The following FNDC3A variants were observed in gnomAD, a reference collection of about 807,000 sequenced individuals.
FNDC3A encodes the protein fibronectin type-III domain-containing protein 3A.
Under a neutral mutation model 148.9 loss-of-function variants are expected in FNDC3A, and 32 were observed. The ratio of observed to expected loss-of-function variants is 0.21; its 90% CI spans 0.16 to 0.29. The LOEUF is 0.29. FNDC3A is among the 10% of genes least tolerant of loss of function. The pLI is 1.00. For synonymous variants in FNDC3A, 472 were observed against 473.6 expected, an observed-to-expected ratio of 1.00 and a Z score of 0.04; for missense variants, 1,191 against 1,452.8, an observed-to-expected ratio of 0.82 and a Z score of 2.93.
At chr13:48,984,652 A>G (rs1333522141) in intron 1 of FNDC3A, among the ~76,000 whole-genome samples, 1 of 152,140 alleles carries the variant, frequency 6.6e-6, no homozygotes, top group Non-Finnish European at 1.5e-5. Context: ...TCTCAAAACT[A>G]AGTTCCAGGT....
intron 2 of FNDC3A, among the ~76,000 whole-genome samples, chr13:49,012,738 A>G (rs188550039): frequency 6.6e-6 from 1 of 150,916 alleles, no homozygotes; most frequent in Non-Finnish European, 1.5e-5. Context: ...AATTTTTCCC[A>G]TAAAGGTCTT....
chr13:49,180,881 C>T (rs539227782), intron 14 of FNDC3A, among the ~76,000 whole-genome samples: 35 of 151,092 alleles, frequency 2.3e-4, no homozygotes, highest in Middle Eastern at 3.4e-3. Context: ...GGCAATACAG[C>T]GAGATTCTGT....
chr13:49,107,232 T>C (rs1425947015), intron 3 of FNDC3A, among the ~76,000 whole-genome samples: 1 of 152,238 alleles, frequency 6.6e-6, no homozygotes, highest in Non-Finnish European at 1.5e-5. Context: ...AGTCATGTTA[T>C]AGAGTTAATG....
At chr13:48,987,393 G>C (rs1435811986) in intron 1 of FNDC3A, among the ~76,000 whole-genome samples, 1 of 152,110 alleles carries the variant, frequency 6.6e-6, no homozygotes, top group African/African-American at 2.4e-5. Flanking sequence ...GTATCTTTTT[G>C]ATCAAGATTT....
At chr13:49,166,630 G>A (rs1283174270) in intron 8 of FNDC3A, among the ~76,000 whole-genome samples, 1 of 152,108 alleles carries the variant, frequency 6.6e-6, no homozygotes, top group Non-Finnish European at 1.5e-5. Context: ...GAATACAGGA[G>A]TCCACGGTGG....
At chr13:49,010,148 C>G (rs1366196986) in intron 2 of FNDC3A, among the ~76,000 whole-genome samples, 1 of 152,136 alleles carries the variant, frequency 6.6e-6, no homozygotes, top group Non-Finnish European at 1.5e-5. Context: ...TGGACCAAAC[C>G]TTTTGTTGGG....
At chr13:48,975,810 C>A (rs988450815), upstream of FNDC3A, 2 of 151,676 alleles carry the variant, frequency 1.3e-5, no homozygotes, top group African/African-American at 2.4e-5. Flanking sequence ...GGTGAGAGAG[C>A]CCCGGCGCGG....
chr13:49,193,000 A>T (rs1044723651), intron 19 of FNDC3A, among the ~76,000 whole-genome samples: 1 of 152,182 alleles, frequency 6.6e-6, no homozygotes, highest in Non-Finnish European at 1.5e-5. Flanking sequence ...CCTTGTTCAA[A>T]AAAGGGGGGC....
In FNDC3A at chr13:49,006,169, G is replaced by C. The variant is rs779946795; in HGVS notation, c.-22G>C. 3.0e-6 allele frequency: 4 copies of C among 1,323,628 alleles called. No homozygotes were observed. The highest frequency in any genetic ancestry group is 4.3e-6 in the Non-Finnish European group (4 of 923,166). 82.0% of individuals were successfully genotyped at this position (1,323,628 alleles called of 1,614,324 possible). On this transcript the variant is annotated 5_prime_UTR_variant, in exon 2 of 26. Coordinates refer to ENST00000492622, the MANE Select transcript of FNDC3A (RefSeq NM_001079673.2). The stretch of plus-strand genomic sequence containing the variant: ...TTTTTCAGAATTGGAGCGTTATTCA[G>C]TATATTAATGTCTTATTGATAATGG...
At chr13:49,206,425 G>A (rs994458805) in intron 25 of FNDC3A, among the ~76,000 whole-genome samples, 1 of 151,922 alleles carries the variant, frequency 6.6e-6, no homozygotes, top group Non-Finnish European at 1.5e-5. Context: ...GCCAAGGTCT[G>A]ATTTTTCACA....
chr13:49,137,328 T>C lies in FNDC3A; in HGVS notation c.760+727T>C, dbSNP rs75940747. The stretch of plus-strand genomic sequence containing the variant: ...ACCTCTGACTTCTACTCTATGAACT[T>C]TGTTTTATTGGTTTTTGTTTGTTTG... On this transcript the variant is annotated intron_variant, in intron 6 of 25. Transcript: ENST00000492622. 4.6e-3 allele frequency among the ~76,000 whole-genome samples: 705 copies of C among 152,020 alleles called. 7 individuals are homozygous for C. Among genetic ancestry groups the C allele is most frequent in the African/African-American group, 0.016 (677 of 41,448 alleles).
intron 23 of FNDC3A, among the ~76,000 whole-genome samples, chr13:49,199,565 A>T (rs558148529): frequency 6.6e-6 from 1 of 151,854 alleles, no homozygotes; most frequent in South Asian, 2.1e-4. Context: ...TGACCTCCCG[A>T]TCCACCTGCC....
intron 8 of FNDC3A, among the ~76,000 whole-genome samples, chr13:49,160,404 A>G (rs1884021045): frequency 6.6e-6 from 1 of 152,132 alleles, no homozygotes; most frequent in African/African-American, 2.4e-5. Context: ...GTTTATTTGC[A>G]TAGAGGTGTT....
At position 49,180,218 on chromosome 13, in the gene FNDC3A, A is replaced by G. The variant is rs200535940; in HGVS notation, c.1617+1564A>G. Among the ~76,000 whole-genome samples the G allele has an allele frequency of 5.3e-5, 8 of 152,296 alleles. No individual in the cohort carries two copies. The East Asian group carries it at 1.5e-3, about 29-fold the overall frequency. On this transcript the variant is annotated intron_variant, in intron 14 of 25. Transcript: ENST00000492622. ...GAGAAACTTTGCTCATTAGTTGATA[A>G]ATTCAACATTTAAATTTTCCTGCCA...
At chr13:49,137,300 C>T (rs931057130) in intron 6 of FNDC3A, among the ~76,000 whole-genome samples, 11 of 152,102 alleles carry the variant, frequency 7.2e-5, no homozygotes, top group African/African-American at 2.7e-4. Flanking sequence ...GATCCTTCCC[C>T]TAACCTCTGA....
chr13:49,107,928 G>A lies in FNDC3A; in HGVS notation c.176-6727G>A, dbSNP rs151192794. ...ACGGATTGAACTTGGAGATTTTCAGGAGATGGGGAAGTCAAAGGAAGACAT... is the reference window on the plus strand; with the variant it reads ...ACGGATTGAACTTGGAGATTTTCAGAAGATGGGGAAGTCAAAGGAAGACAT... On this transcript the variant is annotated intron_variant, in intron 3 of 25. Coordinates refer to ENST00000492622, the MANE Select transcript of FNDC3A (RefSeq NM_001079673.2). Among the ~76,000 whole-genome samples, 19 of 152,214 alleles carry A rather than the reference G, an allele frequency of 1.2e-4. No individual in the cohort carries two copies. In the East Asian group the frequency reaches 3.7e-3, roughly 29 times the overall value.
chr13:48,986,961 C>A (rs1566175088), intron 1 of FNDC3A, among the ~76,000 whole-genome samples: 3 of 152,158 alleles, frequency 2.0e-5, no homozygotes, highest in African/African-American at 4.8e-5. Flanking sequence ...AGCTTTTACA[C>A]AGGAACTCAA....
chr13:49,101,106 A>C (rs74072712), intron 3 of FNDC3A, among the ~76,000 whole-genome samples: 3,602 of 152,208 alleles, frequency 0.024, 49 homozygotes, highest in Middle Eastern at 0.051. Flanking sequence ...GAGAAGAAAC[A>C]AGGTTTGATT....
chr13:49,204,340 T>G (rs1327246573), intron 25 of FNDC3A, among the ~76,000 whole-genome samples: 1 of 152,206 alleles, frequency 6.6e-6, no homozygotes, highest in Non-Finnish European at 1.5e-5. Flanking sequence ...TCCTGTAACC[T>G]TAATTTTGAG....
Sources: allele counts gnomAD v4.1 joint callset (sites outside exome capture counted in the v4.1 genomes callset), GRCh38; gene constraint gnomAD v4.1.1; transcripts MANE v1.5; gene names NCBI Gene and HGNC (gene_info 2026-07-23, HGNC 2026-07-21).